The following EPHB1 variants were observed in gnomAD, a reference collection of about 807,000 sequenced individuals.
EPHB1 encodes the protein EPH receptor B1.
Under a neutral mutation model 94.4 loss-of-function variants are expected in EPHB1, and 30 were observed. The observed-to-expected ratio is 0.32, with a 90% confidence interval of 0.24 to 0.43. The LOEUF is 0.43. Among genes scored for constraint, EPHB1 ranks in the 20% least tolerant of loss-of-function variants. The probability of loss-of-function intolerance (pLI) is 1.00; values close to 1 mark genes in which losing one functional copy is unlikely to be tolerated. For missense variants in EPHB1, 1,055 were observed against 1,308.3 expected, an observed-to-expected ratio of 0.81 and a Z score of 2.99; for synonymous variants, 522 against 489.1, an observed-to-expected ratio of 1.07 and a Z score of -0.89.
intron 3 of EPHB1, among the ~76,000 whole-genome samples, chr3:135,058,856 A>G (rs992932775): frequency 6.6e-6 from 1 of 152,138 alleles, no homozygotes; most frequent in Non-Finnish European, 1.5e-5. Flanking sequence ...ACATTTTCTT[A>G]TTACGGTGTA....
chr3:134,890,393 G>A (rs2037955401), intron 1 of EPHB1, among the ~76,000 whole-genome samples: 1 of 152,140 alleles, frequency 6.6e-6, no homozygotes. Context: ...GTATTTTGTT[G>A]TATGGAAATA....
chr3:135,002,785 C>A (rs1190616471), intron 3 of EPHB1, among the ~76,000 whole-genome samples: 1 of 152,050 alleles, frequency 6.6e-6, no homozygotes, highest in African/African-American at 2.4e-5. Flanking sequence ...GTTTGTATTT[C>A]TGTGGGATCA....
At chr3:134,976,830 C>A (rs1934210723) in intron 3 of EPHB1, among the ~76,000 whole-genome samples, 3 of 152,152 alleles carry the variant, frequency 2.0e-5, no homozygotes, top group Non-Finnish European at 2.9e-5. Context: ...AACAGCAGCT[C>A]AGATAAATCT....
intron 10 of EPHB1, among the ~76,000 whole-genome samples, chr3:135,189,748 G>T (rs1269782886): frequency 6.6e-6 from 1 of 152,166 alleles, no homozygotes; most frequent in African/African-American, 2.4e-5. Flanking sequence ...GAGTCTTTTT[G>T]TGTGTTGTGG....
chr3:135,179,248 T>A (rs182632607), intron 9 of EPHB1, among the ~76,000 whole-genome samples: 1 of 152,220 alleles, frequency 6.6e-6, no homozygotes, highest in Non-Finnish European at 1.5e-5. Context: ...CCTCATTTTT[T>A]CTATGTAGAC....
chr3:135,173,224 C>A (rs935637259), intron 9 of EPHB1, among the ~76,000 whole-genome samples: 1 of 151,530 alleles, frequency 6.6e-6, no homozygotes, highest in South Asian at 2.1e-4. Context: ...TTAGTAGAGA[C>A]GGGGTTTCAC....
chr3:135,009,288 T>G (rs1380316930), intron 3 of EPHB1, among the ~76,000 whole-genome samples: 2 of 152,116 alleles, frequency 1.3e-5, no homozygotes, highest in Admixed American at 1.3e-4. Flanking sequence ...GGCCTGGGCT[T>G]TAATATTTTT....
Position 134,973,425 on chromosome 3 carries a change from CTTTTTTT to C in EPHB1, c.805+21390_805+21396del, listed in dbSNP as rs10664147. ...AAGCACTCCTTGTCTGTCTTCTAGT[CTTTTTTT>C]TTTTTTTTTTTTTTTTGAGATAGAG... On this transcript the variant is annotated intron_variant, in intron 3 of 15. Coordinates refer to ENST00000398015, the MANE Select transcript of EPHB1 (RefSeq NM_004441.5). Among the ~76,000 whole-genome samples, 2 of 91,012 alleles carry C rather than the reference CTTTTTTT, an allele frequency of 2.2e-5. 1 individual carries two copies. The highest frequency in any genetic ancestry group is 9.4e-5 in the African/African-American group (2 of 21,374). The allele number at this position is 91,012 out of a possible 152,430, so 59.7% of individuals were successfully genotyped here.
At chr3:134,814,711 TC>T in intron 1 of EPHB1, among the ~76,000 whole-genome samples, 1 of 152,336 alleles carries the variant, frequency 6.6e-6, no homozygotes, top group South Asian at 2.1e-4. Flanking sequence ...CAGGAGGAGT[TC>T]CTGTGAGGGA....
rs1041537559 is a variant in EPHB1 at position 134,951,231 on chromosome 3, A to G, written c.124-140A>G. 2.9e-6 allele frequency: 2 copies of G among 695,234 alleles called. No individual in the cohort carries two copies. The highest frequency in any genetic ancestry group is 1.8e-5 in the African/African-American group (1 of 56,106). The allele number at this position is 695,234 out of a possible 1,614,324, so 43.1% of individuals were successfully genotyped here. On this transcript the variant is annotated intron_variant, in intron 2 of 15. Transcript: ENST00000398015. The surrounding 1 kb of genome is among the most constrained non-coding windows in gnomAD (Gnocchi z 4.5). ...AATCAAGTTGCGCTTAGATGTGTTCATTTCTCAAGTCAATCTGCTGGACTG... is the reference window on the plus strand; with the variant it reads ...AATCAAGTTGCGCTTAGATGTGTTCGTTTCTCAAGTCAATCTGCTGGACTG...
At chr3:134,797,499 G>C (rs1449709718) in intron 1 of EPHB1, among the ~76,000 whole-genome samples, 1 of 152,362 alleles carries the variant, frequency 6.6e-6, no homozygotes, top group South Asian at 2.1e-4. Context: ...TTCAGTGGCC[G>C]GGTCTCAGAG....
At chr3:135,100,949 G>A (rs1236064790) in intron 3 of EPHB1, among the ~76,000 whole-genome samples, 1 of 152,126 alleles carries the variant, frequency 6.6e-6, no homozygotes, top group African/African-American at 2.4e-5. Flanking sequence ...GAGATGTGTG[G>A]TGAGGTCGGG....
At chr3:135,084,145 T>G (rs1055794866) in intron 3 of EPHB1, among the ~76,000 whole-genome samples, 1 of 152,232 alleles carries the variant, frequency 6.6e-6, no homozygotes, top group Admixed American at 6.5e-5. Flanking sequence ...TTAATTGGAA[T>G]AGCTTTTTGC....
chr3:135,179,318 G>A (rs560410700), intron 9 of EPHB1, among the ~76,000 whole-genome samples: 170 of 152,158 alleles, frequency 1.1e-3, no homozygotes, highest in African/African-American at 4.0e-3. Context: ...CTCTTCTGGT[G>A]TACCGTCTTG....
intron 1 of EPHB1, among the ~76,000 whole-genome samples, chr3:134,865,602 T>G (rs2037356948): frequency 6.6e-6 from 1 of 151,160 alleles, no homozygotes; most frequent in African/African-American, 2.4e-5. Context: ...CATTATAGAA[T>G]TAGTTAAATA....
intron 10 of EPHB1, among the ~76,000 whole-genome samples, chr3:135,186,760 C>G (rs893848631): frequency 1.3e-5 from 2 of 152,288 alleles, no homozygotes; most frequent in East Asian, 1.9e-4. Flanking sequence ...CACTTTTTCT[C>G]TCTTCCTCAT....
At chr3:135,243,074 CAAAAAA>C (rs397933477) in intron 13 of EPHB1, among the ~76,000 whole-genome samples, 2 of 98,374 alleles carry the variant, frequency 2.0e-5, no homozygotes, top group East Asian at 3.1e-4. Flanking sequence ...GACCCTGTCT[CAAAAAA>C]AAAAAAAAAA....
In EPHB1 at chr3:135,109,863, C is replaced by T. The variant is rs1302585473; in HGVS notation, c.961+3260C>T. Among the ~76,000 whole-genome samples the T allele has an allele frequency of 3.3e-5, 5 of 152,292 alleles. No homozygotes were observed. In the South Asian group the frequency reaches 6.2e-4, roughly 19 times the overall value. Reference sequence around the variant, plus strand: ...CTGGCTTTCAATTCCCAGGCAGCAGCGGCCTAGCAGCTCCTCACACTGAGA... The same window carrying T: ...CTGGCTTTCAATTCCCAGGCAGCAGTGGCCTAGCAGCTCCTCACACTGAGA... On this transcript the variant is annotated intron_variant, in intron 4 of 15. Transcript: ENST00000398015.
At chr3:135,191,110 G>A (rs1277409354) in intron 10 of EPHB1, among the ~76,000 whole-genome samples, 1 of 151,236 alleles carries the variant, frequency 6.6e-6, no homozygotes, top group Non-Finnish European at 1.5e-5. Context: ...TGGAAGGGAG[G>A]AAGGAAGGAA....
Sources: allele counts gnomAD v4.1 joint callset (sites outside exome capture counted in the v4.1 genomes callset), GRCh38; gene constraint gnomAD v4.1.1; non-coding constraint Gnocchi (gnomAD v3.1); transcripts MANE v1.5; gene names NCBI Gene and HGNC (gene_info 2026-07-23, HGNC 2026-07-21).